Variants in CLASP2 observed in about 807,000 individuals in gnomAD.
The protein encoded by CLASP2 is CLIP-associating protein 2.
In CLASP2, 47 loss-of-function variants were observed where a neutral mutation model predicts 194.4. The observed-to-expected ratio is 0.24, with a 90% confidence interval of 0.19 to 0.31. The LOEUF is 0.31. Among genes scored for constraint, CLASP2 ranks in the 10% least tolerant of loss-of-function variants. The pLI, the probability that CLASP2 is intolerant of heterozygous loss-of-function variation, is 1.00. For missense variants in CLASP2, 1,445 were observed against 1,823.6 expected, an observed-to-expected ratio of 0.79 and a Z score of 3.78; for synonymous variants, 619 against 633.5, an observed-to-expected ratio of 0.98 and a Z score of 0.34.
chr3:33,628,016 T>C (rs2078358163), intron 9 of CLASP2, among the ~76,000 whole-genome samples: 2 of 152,106 alleles, frequency 1.3e-5, no homozygotes, highest in Non-Finnish European at 2.9e-5. Flanking sequence ...TTGTTGACCA[T>C]GGAAGGAGAC....
chr3:33,685,880 T>A (rs901961738), intron 5 of CLASP2, among the ~76,000 whole-genome samples: 2 of 151,920 alleles, frequency 1.3e-5, no homozygotes, highest in African/African-American at 4.8e-5. Flanking sequence ...GGGTACAGGG[T>A]TTCAGTCTGG....
At chr3:33,601,436 A>G (rs1296705589) in intron 18 of CLASP2, among the ~76,000 whole-genome samples, 1 of 152,206 alleles carries the variant, frequency 6.6e-6, no homozygotes, top group Non-Finnish European at 1.5e-5. Flanking sequence ...AATTTTTTCT[A>G]TAAAAATAAG....
chr3:33,529,984 CAAAAAAAA>C (rs1169927619), intron 34 of CLASP2, among the ~76,000 whole-genome samples: 1 of 32,244 alleles, frequency 3.1e-5, no homozygotes, highest in African/African-American at 1.0e-4. Context: ...GACTCCGTCT[CAAAAAAAA>C]AAAAAAAAAA....
At chr3:33,528,101 T>C (rs111735813) in intron 34 of CLASP2, among the ~76,000 whole-genome samples, 3,189 of 152,244 alleles carry the variant, frequency 0.021, 102 homozygotes, top group African/African-American at 0.072. Context: ...ACCATGGTCA[T>C]GTAGGCCTCA....
intron 29 of CLASP2, chr3:33,558,967 C>T (rs569764714): frequency 2.9e-5 from 10 of 341,164 alleles, no homozygotes; most frequent in South Asian, 2.6e-4. Flanking sequence ...TTAAGTTTCT[C>T]CAAAAGACTT....
chr3:33,519,437 T>C (rs947117078), intron 34 of CLASP2, among the ~76,000 whole-genome samples: 10 of 152,136 alleles, frequency 6.6e-5, no homozygotes, highest in Non-Finnish European at 1.5e-4. Flanking sequence ...ATAAAAGTTA[T>C]AGAAATTCTG....
intron 30 of CLASP2, among the ~76,000 whole-genome samples, chr3:33,547,790 A>ATTT (rs551611344): frequency 1.8e-4 from 25 of 136,002 alleles, no homozygotes; most frequent in African/African-American, 4.1e-4. Flanking sequence ...TATTTTATGT[A>ATTT]TTTTTTTTTT....
At chr3:33,716,775 C>T (rs906104978) in intron 1 of CLASP2, among the ~76,000 whole-genome samples, 2 of 152,198 alleles carry the variant, frequency 1.3e-5, no homozygotes, top group Admixed American at 6.5e-5. Flanking sequence ...TGTAAAAAGT[C>T]TAACCTTTCC....
intron 1 of CLASP2, 76 bp downstream of exon 1, chr3:33,717,732 G>T (rs1439486352): frequency 1.4e-6 from 2 of 1,475,144 alleles, no homozygotes; most frequent in African/African-American, 2.8e-5. Flanking sequence ...GAGCTTTCCC[G>T]GCCCGGCGCT....
intron 34 of CLASP2, among the ~76,000 whole-genome samples, chr3:33,521,234 T>G (rs1018853049): frequency 6.6e-6 from 1 of 152,064 alleles, no homozygotes; most frequent in Admixed American, 6.6e-5. Context: ...AATAAAAAAT[T>G]TCCTAAATAA....
At chr3:33,558,421 G>A (rs931121339) in intron 29 of CLASP2, 1 of 151,850 alleles carries the variant, frequency 6.6e-6, no homozygotes, top group Admixed American at 6.6e-5. Flanking sequence ...AATATATTTC[G>A]TGCAGGATAG....
intron 6 of CLASP2, among the ~76,000 whole-genome samples, chr3:33,672,067 G>T (rs2087375476): frequency 6.6e-6 from 1 of 152,234 alleles, no homozygotes; most frequent in African/African-American, 2.4e-5. Context: ...AAATGTCCCT[G>T]TCTGACAGCT....
chr3:33,569,293 C>A (rs1269452144), intron 26 of CLASP2, among the ~76,000 whole-genome samples: 1 of 152,192 alleles, frequency 6.6e-6, no homozygotes, highest in Non-Finnish European at 1.5e-5. Flanking sequence ...TGGCATCCAA[C>A]CAAACTGCAT....
rs762657276 is a variant in CLASP2 at position 33,695,220 on chromosome 3, A to ATTTT, written c.274+1631_274+1634dup. On this transcript the variant is annotated intron_variant, in intron 2 of 38. Transcript: ENST00000682230. ...CAGGCACACACCAGTAAGCCTGCTA[A>ATTTT]TTTTTTTTTTTTTTTTTTTTGGTAG... Among the ~76,000 whole-genome samples, 5 of 103,812 alleles carry ATTTT rather than the reference A, an allele frequency of 4.8e-5. 1 individual carries two copies. Among genetic ancestry groups the ATTTT allele is most frequent in the Admixed American group, 1.2e-4 (1 of 8,130 alleles). 68.1% of individuals were successfully genotyped at this position (103,812 alleles called of 152,430 possible). A position where few individuals can be genotyped will look rare whatever the true frequency, so the allele number is the denominator to read the frequency against.
At chr3:33,595,143 G>A (rs148048985) in intron 19 of CLASP2, among the ~76,000 whole-genome samples, 175 bp from the exon 20 acceptor site, 9 of 152,164 alleles carry the variant, frequency 5.9e-5, no homozygotes, top group African/African-American at 1.9e-4. Flanking sequence ...AACAAAATTT[G>A]AGGTAATCCA....
chr3:33,700,743 G>A (rs373727990), intron 1 of CLASP2, among the ~76,000 whole-genome samples: 21 of 151,980 alleles, frequency 1.4e-4, no homozygotes, highest in East Asian at 3.9e-4. Flanking sequence ...CCAGCTACTC[G>A]GGAGGCCGAG....
chr3:33,685,370 C>T (rs1176162151), intron 5 of CLASP2, among the ~76,000 whole-genome samples: 2 of 114,168 alleles, frequency 1.8e-5, no homozygotes, highest in Admixed American at 9.4e-5. Flanking sequence ...AAAAAAAAAT[C>T]CTATCTGTAG....
intron 1 of CLASP2, among the ~76,000 whole-genome samples, chr3:33,701,292 A>T (rs902653455): frequency 2.0e-5 from 3 of 152,224 alleles, no homozygotes; most frequent in African/African-American, 7.2e-5. Flanking sequence ...TCTGATTTGA[A>T]GACTTAATAT....
At chr3:33,615,968 A>G (rs2076085604) in intron 12 of CLASP2, among the ~76,000 whole-genome samples, 2 of 152,126 alleles carry the variant, frequency 1.3e-5, no homozygotes, top group Admixed American at 6.5e-5. Context: ...TTATAATAAT[A>G]AAGAAAAAGC....
Sources: allele counts gnomAD v4.1 joint callset (sites outside exome capture counted in the v4.1 genomes callset), GRCh38; gene constraint gnomAD v4.1.1; transcripts MANE v1.5; gene names NCBI Gene and HGNC (gene_info 2026-07-23, HGNC 2026-07-21).